Variants in KDM3B observed in about 807,000 individuals in gnomAD.
KDM3B encodes lysine-specific demethylase 3B.
A neutral mutation model predicts 170.0 loss-of-function variants in KDM3B; 10 were observed. That is an observed-to-expected ratio of 0.06 (90% CI 0.04 to 0.10). The LOEUF is 0.10. Ranked by LOEUF, KDM3B falls within the 10% of genes least tolerant of loss-of-function variation. The probability of loss-of-function intolerance (pLI) is 1.00; values close to 1 mark genes in which losing one functional copy is unlikely to be tolerated. For missense variants in KDM3B, 1,394 were observed against 2,195.2 expected (o/e 0.64, Z 7.29); for synonymous variants, 831 against 834.8 (o/e 1.00, Z 0.08).
chr5:138,353,999 A>T (rs1022000708), intron 1 of KDM3B, among the ~76,000 whole-genome samples: 1 of 152,286 alleles, frequency 6.6e-6, no homozygotes, highest in Admixed American at 6.5e-5. Flanking sequence ...GGAATGTAAT[A>T]GATCAGCAAG....
At chr5:138,372,896 C>A in intron 2 of KDM3B, 55 bp downstream of exon 2, 2 of 1,490,598 alleles carry the variant, frequency 1.3e-6, no homozygotes, top group Non-Finnish European at 1.8e-6. Flanking sequence ...TATAATATAA[C>A]TATGACATGT....
At position 138,393,503 on chromosome 5, in the gene KDM3B, TCTGTGA is replaced by T; in HGVS notation, c.2831+132_2831+137del. 3 of 722,142 alleles carry T rather than the reference TCTGTGA, an allele frequency of 4.2e-6. No homozygotes were observed. In the East Asian group the frequency reaches 8.1e-5, roughly 19 times the overall value. The allele number at this position is 722,142 out of a possible 1,614,324, so 44.7% of individuals were successfully genotyped here. A position where few individuals can be genotyped will look rare whatever the true frequency, so the allele number is the denominator to read the frequency against. On this transcript the variant is annotated intron_variant, in intron 9 of 23. Transcript: ENST00000314358. The stretch of plus-strand genomic sequence containing the variant: ...TTCCTCAACTCCTTTGCTCTCAGCG[TCTGTGA>T]AGAGGCTCTGGCATAGTAGTCACTT...
At chr5:138,381,747 AG>A (rs1432902700) in intron 6 of KDM3B, 157 bp downstream of exon 6, 2 of 553,386 alleles carry the variant, frequency 3.6e-6, no homozygotes, top group African/African-American at 1.9e-5. Context: ...TGTCTAATTA[AG>A]GGGGGATATT....
At chr5:138,433,145 T>C (rs1763580422) in intron 23 of KDM3B, among the ~76,000 whole-genome samples, 1 of 146,698 alleles carries the variant, frequency 6.8e-6, no homozygotes, top group South Asian at 2.2e-4. Flanking sequence ...AGATTCTCAG[T>C]CTGTCACCCA....
At chr5:138,388,012 T>C (rs887647016) in intron 7 of KDM3B, among the ~76,000 whole-genome samples, 5 of 150,796 alleles carry the variant, frequency 3.3e-5, no homozygotes, top group South Asian at 2.1e-4. Context: ...ACCTGGGAGG[T>C]GGAGCTTGCA....
At chr5:138,432,175 G>A (rs1344187605) in intron 23 of KDM3B, among the ~76,000 whole-genome samples, 1 of 152,202 alleles carries the variant, frequency 6.6e-6, no homozygotes, top group African/African-American at 2.4e-5. Flanking sequence ...AAGCACTATG[G>A]CAGTGTGTTC....
chr5:138,405,001 A>G (rs536794328), intron 11 of KDM3B, among the ~76,000 whole-genome samples: 2 of 151,946 alleles, frequency 1.3e-5, no homozygotes, highest in Non-Finnish European at 2.9e-5. Context: ...TCAGCCTCCC[A>G]AAGTGCTGGG....
chr5:138,365,755 T>G (rs947070768), intron 1 of KDM3B, among the ~76,000 whole-genome samples: 1 of 151,890 alleles, frequency 6.6e-6, no homozygotes, highest in South Asian at 2.1e-4. Flanking sequence ...TCCCAGCACT[T>G]TGGGAGGCCA....
chr5:138,367,977 C>T (rs1009793068), intron 1 of KDM3B, among the ~76,000 whole-genome samples: 6 of 151,508 alleles, frequency 4.0e-5, no homozygotes, highest in Non-Finnish European at 5.9e-5. Flanking sequence ...CGCACCACTG[C>T]ACTCCAGCCT....
chr5:138,361,593 T>G (rs1292600083), intron 1 of KDM3B, among the ~76,000 whole-genome samples: 1 of 152,222 alleles, frequency 6.6e-6, no homozygotes, highest in Non-Finnish European at 1.5e-5. Flanking sequence ...AAAGGCTGTT[T>G]AAAGCAAGCA....
intron 9 of KDM3B, among the ~76,000 whole-genome samples, chr5:138,397,690 GTC>G (rs950394755): frequency 3.3e-5 from 5 of 151,916 alleles, no homozygotes; most frequent in Non-Finnish European, 7.4e-5. Context: ...GCGAAACCCT[GTC>G]TCTACTAAAA....
Position 138,433,828 on chromosome 5 carries a change from TC to T in KDM3B, c.5206-1790del, listed in dbSNP as rs1488115855. ...ATCTTGCCTCACTGCAGCCTCTGCC[TC>T]CTGGGTTCAAGCGATTCTCCTGCCT... On this transcript the variant is annotated intron_variant, in intron 23 of 23. Coordinates refer to ENST00000314358, the MANE Select transcript of KDM3B (RefSeq NM_016604.4). 9.2e-5 allele frequency among the ~76,000 whole-genome samples: 14 copies of T among 151,954 alleles called. No individual in the cohort carries two copies. The South Asian group carries it at 2.7e-3, about 29-fold the overall frequency.
chr5:138,379,242 C>T (rs1762070659), intron 4 of KDM3B, among the ~76,000 whole-genome samples: 1 of 152,148 alleles, frequency 6.6e-6, no homozygotes, highest in Non-Finnish European at 1.5e-5. Flanking sequence ...TATCTACCTA[C>T]ATTTTCATAC....
chr5:138,352,908 C>A lies in KDM3B; in HGVS notation c.113C>A (p.Pro38Gln). 7.3e-7 allele frequency: 1 copy of A among 1,371,326 alleles called. No individual in the cohort carries two copies. The highest frequency in any genetic ancestry group is 9.4e-7 in the Non-Finnish European group (1 of 1,060,708). The allele number at this position is 1,371,326 out of a possible 1,614,324, so 84.9% of individuals were successfully genotyped here. The part of the protein sequence containing the change: ...APAAAAASGD[P>Q]GPALRTRAWR... ...GCGGCGGCAGCGGCGAGCGGAGATC[C>A]GGGGCCTGCGCTGCGCACTCGAGCC... The change falls in exon 1 of 24, where the codon CCG (proline) becomes CAG (glutamine). Residue 38 changes from proline (P) to glutamine (Q), a missense_variant. By Grantham distance (76) the Pro-to-Gln change is moderately conservative (BLOSUM62 -1). Transcript: ENST00000314358.
intron 11 of KDM3B, among the ~76,000 whole-genome samples, chr5:138,400,227 G>T (rs4835788): frequency 0.26 from 38,617 of 148,900 alleles, 5,518 homozygotes; most frequent in East Asian, 0.56. Flanking sequence ...TTTTTCCTTG[G>T]TTTTTTTTTT....
chr5:138,389,680 T>C (rs1762374385), intron 7 of KDM3B, among the ~76,000 whole-genome samples: 1 of 152,066 alleles, frequency 6.6e-6, no homozygotes, highest in South Asian at 2.1e-4. Context: ...AAGTAATCTA[T>C]GGTTAGCAAG....
chr5:138,387,983 A>T (rs1423311860), intron 7 of KDM3B, among the ~76,000 whole-genome samples: 2 of 152,036 alleles, frequency 1.3e-5, no homozygotes, highest in Admixed American at 1.3e-4. Context: ...CGGGAGGCTG[A>T]GGCAGGAGGA....
At chr5:138,375,620 C>T (rs1300124387) in intron 3 of KDM3B, among the ~76,000 whole-genome samples, 5 of 151,944 alleles carry the variant, frequency 3.3e-5, no homozygotes, top group Admixed American at 6.6e-5. Context: ...CCTCGTGATC[C>T]GCCCGCCTCG....
intron 17 of KDM3B, chr5:138,426,748 A>C (rs1441311800): frequency 2.3e-6 from 1 of 435,644 alleles, no homozygotes; most frequent in Non-Finnish European, 4.3e-6. Flanking sequence ...AAAATTAGCC[A>C]GGCGTGGTGG....
Sources: allele counts gnomAD v4.1 joint callset (sites outside exome capture counted in the v4.1 genomes callset), GRCh38; gene constraint gnomAD v4.1.1; transcripts MANE v1.5; gene names NCBI Gene and HGNC (gene_info 2026-07-23, HGNC 2026-07-21).